The following ST6GALNAC5 variants were observed in gnomAD, a reference collection of about 807,000 sequenced individuals.
The protein encoded by ST6GALNAC5 is ST6 N-acetylgalactosaminide alpha-2,6-sialyltransferase 5, also known as alpha-N-acetylgalactosaminide alpha-2,6-sialyltransferase 5.
In ST6GALNAC5, 27 loss-of-function variants were observed where a neutral mutation model predicts 33.6. The ratio of observed to expected loss-of-function variants is 0.80; its 90% CI spans 0.59 to 1.11. The LOEUF is 1.11. ST6GALNAC5 is among the 50% of genes least tolerant of loss of function. The pLI is 0.00. For synonymous variants in ST6GALNAC5, 194 were observed against 171.2 expected, an observed-to-expected ratio of 1.13 and a Z score of -1.04; for missense variants, 428 against 454.0, an observed-to-expected ratio of 0.94 and a Z score of 0.52.
At chr1:76,940,627 A>C (rs1024984574) in intron 2 of ST6GALNAC5, among the ~76,000 whole-genome samples, 5 of 152,110 alleles carry the variant, frequency 3.3e-5, no homozygotes, top group Non-Finnish European at 7.4e-5. Context: ...AGTGAGTGGT[A>C]AACCAGGGAC....
intron 2 of ST6GALNAC5, among the ~76,000 whole-genome samples, chr1:77,001,915 C>T (rs1177922444): frequency 1.3e-5 from 2 of 152,010 alleles, no homozygotes; most frequent in Non-Finnish European, 2.9e-5. Flanking sequence ...AGGATTTTTG[C>T]ATCAATGTTC....
Position 76,937,638 on chromosome 1 carries a change from G to A in ST6GALNAC5, c.261+68896G>A, listed in dbSNP as rs370157512. On this transcript the variant is annotated intron_variant, in intron 2 of 4. Transcript: ENST00000477717. ...TGGCTAGTGCACTGTGTGCTCAGCT[G>A]CTGTTACTTGTTGGAGCAAGATGTT... Among the ~76,000 whole-genome samples, 4 of 152,152 alleles carry A rather than the reference G, an allele frequency of 2.6e-5. No homozygotes were observed. In the South Asian group the frequency reaches 6.2e-4, roughly 24 times the overall value.
intron 2 of ST6GALNAC5, among the ~76,000 whole-genome samples, chr1:76,922,967 T>C: frequency 6.6e-6 from 1 of 150,758 alleles, no homozygotes; most frequent in African/African-American, 2.4e-5. Flanking sequence ...GAAAAGAAAC[T>C]TTTAAGAAGA....
At chr1:76,968,757 A>C (rs906161946) in intron 2 of ST6GALNAC5, among the ~76,000 whole-genome samples, 2 of 151,928 alleles carry the variant, frequency 1.3e-5, no homozygotes, top group African/African-American at 4.8e-5. Flanking sequence ...CCTTCAGGAG[A>C]TCTTGTAAGG....
At chr1:77,017,171 T>C (rs895232110) in intron 2 of ST6GALNAC5, among the ~76,000 whole-genome samples, 1 of 140,006 alleles carries the variant, frequency 7.1e-6, no homozygotes, top group Non-Finnish European at 1.6e-5. Flanking sequence ...AAAAAAAAGG[T>C]AAAGACACAG....
chr1:76,883,229 T>C (rs894157480), intron 2 of ST6GALNAC5, among the ~76,000 whole-genome samples: 2 of 152,220 alleles, frequency 1.3e-5, no homozygotes, highest in Non-Finnish European at 2.9e-5. Flanking sequence ...TAAAATATTC[T>C]CTGTATCTTA....
intron 2 of ST6GALNAC5, among the ~76,000 whole-genome samples, chr1:77,012,471 G>GA (rs934546570): frequency 1.3e-5 from 2 of 152,106 alleles, no homozygotes; most frequent in African/African-American, 4.8e-5. Flanking sequence ...CTGAACGCCA[G>GA]AAAAAACCTA....
chr1:76,959,118 T>C (rs1430459402), intron 2 of ST6GALNAC5, among the ~76,000 whole-genome samples: 1 of 152,120 alleles, frequency 6.6e-6, no homozygotes, highest in Non-Finnish European at 1.5e-5. Context: ...TAAATTCAGA[T>C]TTGTAGCATT....
intron 2 of ST6GALNAC5, among the ~76,000 whole-genome samples, chr1:76,974,012 T>G (rs1648880117): frequency 6.6e-6 from 1 of 152,124 alleles, no homozygotes; most frequent in African/African-American, 2.4e-5. Context: ...TCTTATTTGG[T>G]TTCTTTACTA....
chr1:76,964,173 C>A (rs1483941283), intron 2 of ST6GALNAC5, among the ~76,000 whole-genome samples: 1 of 152,062 alleles, frequency 6.6e-6, no homozygotes, highest in East Asian at 1.9e-4. Flanking sequence ...TTGTTTTAAG[C>A]CCCTGTATTT....
chr1:76,935,270 A>C (rs1647189041), intron 2 of ST6GALNAC5, among the ~76,000 whole-genome samples: 1 of 152,102 alleles, frequency 6.6e-6, no homozygotes, highest in Non-Finnish European at 1.5e-5. Flanking sequence ...TGCTTAGATT[A>C]ATAAAAGGAA....
At chr1:77,008,404 A>G (rs1241191932) in intron 2 of ST6GALNAC5, among the ~76,000 whole-genome samples, 1 of 152,190 alleles carries the variant, frequency 6.6e-6, no homozygotes, top group Non-Finnish European at 1.5e-5. Flanking sequence ...CAGTTTCTTT[A>G]TCTATAAAAT....
intron 2 of ST6GALNAC5, among the ~76,000 whole-genome samples, chr1:76,937,221 T>C (rs964547283): frequency 3.3e-5 from 5 of 151,940 alleles, no homozygotes; most frequent in Admixed American, 3.3e-4. Context: ...CTGCAAGTGG[T>C]TTTTATTATT....
At chr1:76,897,510 G>A (rs1278480399) in intron 2 of ST6GALNAC5, among the ~76,000 whole-genome samples, 2 of 152,226 alleles carry the variant, frequency 1.3e-5, no homozygotes, top group Non-Finnish European at 2.9e-5. Flanking sequence ...CTGTGGGATG[G>A]GATATTGGCA....
At chr1:77,058,509 G>A (rs1489077465) in intron 4 of ST6GALNAC5, among the ~76,000 whole-genome samples, 1 of 152,082 alleles carries the variant, frequency 6.6e-6, no homozygotes, top group Non-Finnish European at 1.5e-5. Context: ...TTCCTCTCTC[G>A]CCTTGTGATT....
intron 2 of ST6GALNAC5, among the ~76,000 whole-genome samples, chr1:77,034,722 C>T (rs1651587635): frequency 6.6e-6 from 1 of 152,174 alleles, no homozygotes; most frequent in African/African-American, 2.4e-5. Context: ...AGGAAGGCAG[C>T]CTGCAGAGTG....
intron 2 of ST6GALNAC5, among the ~76,000 whole-genome samples, chr1:76,895,732 A>G (rs939976489): frequency 6.6e-5 from 10 of 152,202 alleles, no homozygotes; most frequent in South Asian, 2.1e-4. Flanking sequence ...CAGGGCATGT[A>G]TGAGTAGTTG....
intron 2 of ST6GALNAC5, among the ~76,000 whole-genome samples, chr1:76,976,688 C>T (rs1649025955): frequency 6.6e-6 from 1 of 152,052 alleles, no homozygotes; most frequent in Non-Finnish European, 1.5e-5. Context: ...ATATTTGCAT[C>T]AAAATAAATA....
At chr1:76,895,442 TTTG>T (rs1332457109) in intron 2 of ST6GALNAC5, among the ~76,000 whole-genome samples, 1 of 152,056 alleles carries the variant, frequency 6.6e-6, no homozygotes, top group African/African-American at 2.4e-5. Context: ...AGAAGAAATA[TTTG>T]TTGTGTAGAA....
Sources: allele counts gnomAD v4.1 joint callset (sites outside exome capture counted in the v4.1 genomes callset), GRCh38; gene constraint gnomAD v4.1.1; transcripts MANE v1.5; gene names NCBI Gene and HGNC (gene_info 2026-07-23, HGNC 2026-07-21).